The following SLC7A11 variants were observed in gnomAD, a reference collection of about 807,000 sequenced individuals.
SLC7A11 encodes solute carrier family 7 member 11, also known as cystine/glutamate transporter.
Under a neutral mutation model 54.5 loss-of-function variants are expected in SLC7A11, and 35 were observed. The observed-to-expected ratio is 0.64, with a 90% CI of 0.49 to 0.85. The LOEUF is 0.85. Among genes scored for constraint, SLC7A11 ranks in the 40% least tolerant of loss-of-function variants. The probability of loss-of-function intolerance (pLI) is 0.00; values close to 1 mark genes in which losing one functional copy is unlikely to be tolerated. For missense variants in SLC7A11, 583 were observed against 618.1 expected (o/e 0.94, Z 0.60); for synonymous variants, 230 against 225.2 (o/e 1.02, Z -0.19).
intron 1 of SLC7A11, 67 bp from the exon 2 acceptor site, chr4:138,236,518 G>A (rs1738211917): frequency 6.9e-7 from 1 of 1,441,208 alleles, no homozygotes; most frequent in Non-Finnish European, 9.5e-7. Context: ...CATTAGAATA[G>A]ATACAATAAT....
rs1736371126 is a variant in SLC7A11, at chr4:138,170,105, G to A, written c.*1851C>T. The A allele has an allele frequency of 6.7e-6, 1 of 148,924 alleles. No homozygotes were observed. The highest frequency in any genetic ancestry group is 2.1e-4 in the South Asian group (1 of 4,692). The allele number at this position is 148,924 out of a possible 1,614,324, so 9.2% of individuals were successfully genotyped here. ...ATTTTCAAATGGACAAAAATTAAAG[G>A]ATGAAACATACTCTGGCCATGACTA... On this transcript the variant is annotated 3_prime_UTR_variant, in exon 12 of 12. Transcript: ENST00000280612.
chr4:138,178,841 C>T lies in SLC7A11; in HGVS notation c.1444+376G>A, dbSNP rs142244994. On this transcript the variant is annotated intron_variant, in intron 11 of 11. Transcript: ENST00000280612. ...CACTGCCTAACTCCCCAACAAATCT[C>T]GTGTCACTCATCAAGTTACATATTA... is the stretch of plus-strand genomic sequence containing the variant. 2.8e-4 allele frequency among the ~76,000 whole-genome samples: 43 copies of T among 152,184 alleles called. No homozygotes were observed. The East Asian group carries it at 6.4e-3, about 23-fold the overall frequency.
At chr4:138,198,664 C>A (rs1402402518) in intron 6 of SLC7A11, among the ~76,000 whole-genome samples, 4 of 152,110 alleles carry the variant, frequency 2.6e-5, no homozygotes, top group African/African-American at 9.7e-5. Flanking sequence ...GCCTTTGACA[C>A]AGCAATTCTC....
chr4:138,172,537 G>A (rs922088109), intron 11 of SLC7A11, among the ~76,000 whole-genome samples: 22 of 152,192 alleles, frequency 1.4e-4, no homozygotes, highest in African/African-American at 5.1e-4. Flanking sequence ...TTCTCAAAGT[G>A]CGGTCCCTGG....
At chr4:138,180,368 A>G (rs1736706265) in intron 10 of SLC7A11, among the ~76,000 whole-genome samples, 1 of 152,164 alleles carries the variant, frequency 6.6e-6, no homozygotes, top group Non-Finnish European at 1.5e-5. Flanking sequence ...GAACACATTC[A>G]TGAAAAATCA....
chr4:138,185,444 T>C (rs1736853102), intron 6 of SLC7A11, among the ~76,000 whole-genome samples, 200 bp from the exon 7 acceptor site: 1 of 152,178 alleles, frequency 6.6e-6, no homozygotes, highest in African/African-American at 2.4e-5. Flanking sequence ...TGGGGGCAGA[T>C]ACTTCGTCTG....
intron 8 of SLC7A11, among the ~76,000 whole-genome samples, chr4:138,182,974 A>T (rs907490754): frequency 2.0e-4 from 31 of 152,088 alleles, no homozygotes; most frequent in African/African-American, 6.5e-4. Context: ...TACTATTTTT[A>T]AAAAAGCCAC....
At position 138,170,708 on chromosome 4, in the gene SLC7A11, C is replaced by G. The variant is rs1736404828; in HGVS notation, c.*1248G>C. On this transcript the variant is annotated 3_prime_UTR_variant, in exon 12 of 12. Transcript: ENST00000280612. Reference sequence around the variant, plus strand: ...TCAATTTTCTTCTTATCAGTTGTCTCTTTTGCAAGTTGAATGATAATTAAG... The same window carrying G: ...TCAATTTTCTTCTTATCAGTTGTCTGTTTTGCAAGTTGAATGATAATTAAG... 2 of 152,038 alleles carry G rather than the reference C, an allele frequency of 1.3e-5. No individual in the cohort carries two copies. The highest frequency in any genetic ancestry group is 4.8e-5 in the African/African-American group (2 of 41,414). The allele number at this position is 152,038 out of a possible 1,614,324, so 9.4% of individuals were successfully genotyped here. A position where few individuals can be genotyped will look rare whatever the true frequency, so the allele number is the denominator to read the frequency against.
chr4:138,187,770 T>A (rs1311090353), intron 6 of SLC7A11, among the ~76,000 whole-genome samples: 2 of 152,204 alleles, frequency 1.3e-5, no homozygotes, highest in African/African-American at 4.8e-5. Context: ...AGTGAATGTT[T>A]TCAAATCGTT....
At chr4:138,239,142 G>A (rs1738317382) in intron 1 of SLC7A11, among the ~76,000 whole-genome samples, 1 of 152,122 alleles carries the variant, frequency 6.6e-6, no homozygotes, top group Admixed American at 6.5e-5. Context: ...ATGTTGGTAG[G>A]CTGTCCAGAA....
Position 138,214,591 on chromosome 4 carries a change from G to A in SLC7A11, c.785C>T (p.Pro262Leu). 6.9e-7 allele frequency: 1 copy of A among 1,448,556 alleles called. No homozygotes were observed. Among genetic ancestry groups the A allele is most frequent in the Non-Finnish European group, 9.4e-7 (1 of 1,066,352 alleles). The allele number at this position is 1,448,556 out of a possible 1,614,324, so 89.7% of individuals were successfully genotyped here. A position where few individuals can be genotyped will look rare whatever the true frequency, so the allele number is the denominator to read the frequency against. ...LNFVTEEVEN[P>L]EKTIPLAICI... ...GGTACATCTGGCTACTTACTTTTCA[G>A]GGTTTTCTACTTCTTCAGTAACAAA... Residue 262 changes from proline to leucine, a missense_variant, in exon 6 of 12, where the codon CCT (proline) becomes CTT (leucine). Transcript: ENST00000280612.
At chr4:138,196,861 T>C (rs1737149316) in intron 6 of SLC7A11, among the ~76,000 whole-genome samples, 1 of 152,114 alleles carries the variant, frequency 6.6e-6, no homozygotes, top group South Asian at 2.1e-4. Context: ...GGTTTCACCA[T>C]GTTGGCCAGG....
At position 138,167,218 on chromosome 4, in the gene SLC7A11, C is replaced by T. The variant is rs1430968641; in HGVS notation, c.*4738G>A. On this transcript the variant is annotated 3_prime_UTR_variant, in exon 12 of 12. Coordinates refer to ENST00000280612, the MANE Select transcript of SLC7A11 (RefSeq NM_014331.4). ...CTAGGCTGGAGTGCAATGATGCGATCTTGGCTAACTGCAGCTTCTGCCCCT... is the reference window on the plus strand; with the variant it reads ...CTAGGCTGGAGTGCAATGATGCGATTTTGGCTAACTGCAGCTTCTGCCCCT... 7.9e-6 allele frequency: 1 copy of T among 126,342 alleles called. No individual in the cohort carries two copies. 7.8% of individuals were successfully genotyped at this position (126,342 alleles called of 1,614,324 possible).
intron 6 of SLC7A11, among the ~76,000 whole-genome samples, chr4:138,186,355 GA>G (rs556358025): frequency 4.6e-5 from 7 of 152,092 alleles, no homozygotes; most frequent in Non-Finnish European, 1.0e-4. Flanking sequence ...AATCAGGGGG[GA>G]AAAGGCACAG....
At chr4:138,178,526 T>C (rs541900571) in intron 11 of SLC7A11, among the ~76,000 whole-genome samples, 3 of 152,266 alleles carry the variant, frequency 2.0e-5, no homozygotes, top group Admixed American at 1.3e-4. Context: ...TCAAATGATA[T>C]TTCTGGTTCT....
intron 6 of SLC7A11, 73 bp from the exon 7 acceptor site, chr4:138,185,317 G>T: frequency 6.7e-7 from 1 of 1,503,472 alleles, no homozygotes; most frequent in Non-Finnish European, 9.2e-7. Context: ...AAAATAACAG[G>T]CTAATTCAAA....
In SLC7A11 at chr4:138,180,594, T is replaced by C. The variant is rs368703355; in HGVS notation, c.1266+47A>G. ...AAGTTATGACAAAGGGAGGACTAGG[T>C]ATTAGGAGAGAGATTTATGTAAACC... On this transcript the variant is annotated intron_variant, in intron 10 of 11. Transcript: ENST00000280612. The C allele has an allele frequency of 1.1e-5, 17 of 1,590,708 alleles. No individual in the cohort carries two copies. In the African/African-American group the frequency reaches 2.3e-4, roughly 22 times the overall value.
chr4:138,187,984 A>G (rs1736917352), intron 6 of SLC7A11, among the ~76,000 whole-genome samples: 1 of 152,176 alleles, frequency 6.6e-6, no homozygotes, highest in South Asian at 2.1e-4. Flanking sequence ...AGCTTAAAAT[A>G]TAAACAAAGG....
chr4:138,226,738 T>TTATTTTTAAGTATAATATATAC (rs1457958814), intron 3 of SLC7A11, among the ~76,000 whole-genome samples: 1 of 152,172 alleles, frequency 6.6e-6, no homozygotes, highest in Non-Finnish European at 1.5e-5. Context: ...AATATATACT[T>TTATTTTTAAGTATAATATATAC]TTAAAAAATA....
Sources: allele counts gnomAD v4.1 joint callset (sites outside exome capture counted in the v4.1 genomes callset), GRCh38; gene constraint gnomAD v4.1.1; transcripts MANE v1.5; gene names NCBI Gene and HGNC (gene_info 2026-07-23, HGNC 2026-07-21).